The following TMPRSS15 variants were observed in gnomAD, a reference collection of about 807,000 sequenced individuals.
The protein encoded by TMPRSS15 is transmembrane serine protease 15.
In TMPRSS15, 128 loss-of-function variants were observed where a neutral mutation model predicts 125.3. The observed-to-expected ratio is 1.02, with a 90% CI of 0.89 to 1.18. The LOEUF is 1.18. Ranked by LOEUF, TMPRSS15 falls within the 50% of genes most tolerant of loss-of-function variation. The pLI is 0.00. For synonymous variants in TMPRSS15, 446 were observed against 423.2 expected, an observed-to-expected ratio of 1.05 and a Z score of -0.66; for missense variants, 1,283 against 1,212.7, an observed-to-expected ratio of 1.06 and a Z score of -0.86.
intron 1 of TMPRSS15, among the ~76,000 whole-genome samples, chr21:18,479,460 TG>T (rs1263298268): frequency 4.6e-5 from 7 of 151,990 alleles, no homozygotes; most frequent in Non-Finnish European, 1.5e-5. Context: ...AGGATAGTTC[TG>T]AGTCACAAAT....
At chr21:18,386,825 C>G (rs2075948225) in intron 3 of TMPRSS15, among the ~76,000 whole-genome samples, 1 of 152,118 alleles carries the variant, frequency 6.6e-6, no homozygotes, top group Non-Finnish European at 1.5e-5. Context: ...TTCAATTTGA[C>G]TGAACACTTG....
intron 16 of TMPRSS15, among the ~76,000 whole-genome samples, chr21:18,323,631 T>C (rs1046044514): frequency 6.6e-6 from 1 of 152,162 alleles, no homozygotes; most frequent in Non-Finnish European, 1.5e-5. Flanking sequence ...CCCTTATCTG[T>C]TAGAGCACAG....
At position 18,326,460 on chromosome 21, in the gene TMPRSS15, A is replaced by G; in HGVS notation, c.1893T>C (p.Phe631=). The G allele has an allele frequency of 1.9e-6, 3 of 1,614,156 alleles. No individual in the cohort carries two copies. The African/African-American group carries it at 4.0e-5, about 22-fold the overall frequency. ...GAATCCCCAAGTGATAGCCAGTAGT[A>G]AAGTTTGCTTTAAACCCTCCTCTTG... The part of the protein sequence containing the change: ...VLARGGFKAN[F]TTGYHLGIPE... The change falls in exon 16 of 25, where the codon TTT becomes TTC. Residue 631 remains phenylalanine (F), a synonymous_variant. Transcript: ENST00000284885.
At chr21:18,398,042 A>G (rs1450893361) in intron 2 of TMPRSS15, 96 bp from the exon 3 acceptor site, 1 of 1,234,926 alleles carries the variant, frequency 8.1e-7, no homozygotes, top group Non-Finnish European at 1.2e-6. Context: ...TTCTGCTTAG[A>G]GTTGGGGCAA....
At chr21:18,321,659 A>T (rs1021048220) in intron 16 of TMPRSS15, among the ~76,000 whole-genome samples, 1 of 152,198 alleles carries the variant, frequency 6.6e-6, no homozygotes, top group South Asian at 2.1e-4. Context: ...CGCAAAAACG[A>T]TTTTTGTTGC....
intron 22 of TMPRSS15, among the ~76,000 whole-genome samples, chr21:18,279,739 C>A (rs2074669323): frequency 6.6e-6 from 1 of 151,960 alleles, no homozygotes; most frequent in Non-Finnish European, 1.5e-5. Context: ...GGTGCCAGTT[C>A]TCTGAAAATT....
At chr21:18,313,198 T>C (rs2075120035) in intron 17 of TMPRSS15, 121 bp from the exon 18 acceptor site, 1 of 759,460 alleles carries the variant, frequency 1.3e-6, no homozygotes, top group Admixed American at 2.0e-5. Flanking sequence ...ATGAGATCTC[T>C]TGCACAGCAC....
At chr21:18,283,363 ATT>A (rs35326743) in intron 21 of TMPRSS15, among the ~76,000 whole-genome samples, 6,314 of 151,480 alleles carry the variant, frequency 0.042, 437 homozygotes, top group African/African-American at 0.14. Flanking sequence ...AAATTGTATG[ATT>A]TTTTTTTTAC....
At chr21:18,292,529 C>T (rs1479683019) in intron 21 of TMPRSS15, among the ~76,000 whole-genome samples, 1 of 152,150 alleles carries the variant, frequency 6.6e-6, no homozygotes, top group Non-Finnish European at 1.5e-5. Flanking sequence ...TATCATTAAC[C>T]TATTAGAAGT....
chr21:18,408,506 A>C (rs1240120056), upstream of TMPRSS15, among the ~76,000 whole-genome samples: 2 of 152,114 alleles, frequency 1.3e-5, no homozygotes, highest in African/African-American at 4.8e-5. Flanking sequence ...GTCAATGAAC[A>C]CTCCTAGGAT....
intron 4 of TMPRSS15, among the ~76,000 whole-genome samples, chr21:18,381,508 C>A (rs2075892654): frequency 6.6e-6 from 1 of 152,128 alleles, no homozygotes; most frequent in Admixed American, 6.6e-5. Context: ...TAACTTGGTA[C>A]CGTGTTTATA....
chr21:18,366,347 T>A (rs2075737634), intron 6 of TMPRSS15, among the ~76,000 whole-genome samples: 1 of 152,218 alleles, frequency 6.6e-6, no homozygotes. Flanking sequence ...CTTTGGGAGA[T>A]AACTAGTTCA....
At chr21:18,356,695 T>C (rs2075628505) in intron 8 of TMPRSS15, among the ~76,000 whole-genome samples, 1 of 151,868 alleles carries the variant, frequency 6.6e-6, no homozygotes, top group South Asian at 2.1e-4. Flanking sequence ...TGGGTACTTC[T>C]GAGTATACAT....
At chr21:18,399,201 T>A (rs900156731) in intron 1 of TMPRSS15, among the ~76,000 whole-genome samples, 2 of 151,980 alleles carry the variant, frequency 1.3e-5, no homozygotes, top group African/African-American at 4.8e-5. Flanking sequence ...TGAGATAGGG[T>A]AATTGGAGTT....
intron 1 of TMPRSS15, among the ~76,000 whole-genome samples, chr21:18,409,468 A>T (rs2076160066): frequency 6.6e-6 from 1 of 151,934 alleles, no homozygotes; most frequent in Non-Finnish European, 1.5e-5. Flanking sequence ...TTTCCTTAGG[A>T]TGAATTATCT....
intron 1 of TMPRSS15, among the ~76,000 whole-genome samples, chr21:18,478,952 C>T (rs1978929145): frequency 6.6e-6 from 1 of 151,930 alleles, no homozygotes; most frequent in African/African-American, 2.4e-5. Flanking sequence ...ATTCCTTATT[C>T]CAAATACTTG....
At position 18,359,776 on chromosome 21, in the gene TMPRSS15, T is replaced by C. The variant is rs1427111286; in HGVS notation, c.861A>G (p.Gly287=). The C allele has an allele frequency of 3.5e-6, 5 of 1,440,430 alleles. No homozygotes were observed. The South Asian group carries it at 4.6e-5, about 13-fold the overall frequency. The allele number at this position is 1,440,430 out of a possible 1,614,324, so 89.2% of individuals were successfully genotyped here. ...ACTTACCTCTTAAAATCTTGCTTGATCCTACACCTTCATAAATATCTAATA... is the reference window on the plus strand; with the variant it reads ...ACTTACCTCTTAAAATCTTGCTTGACCCTACACCTTCATAAATATCTAATA... ...TDILDIYEGV[G]SSKILRASIW... Residue 287 remains glycine, a synonymous_variant, in exon 8 of 25, where the codon GGA becomes GGG. Coordinates refer to ENST00000284885, the MANE Select transcript of TMPRSS15 (RefSeq NM_002772.3).
chr21:18,381,179 C>T (rs775664217), intron 4 of TMPRSS15, among the ~76,000 whole-genome samples: 10 of 152,048 alleles, frequency 6.6e-5, no homozygotes, highest in Non-Finnish European at 1.3e-4. Context: ...TTATTCAAGA[C>T]TATATTGATG....
chr21:18,452,034 C>A (rs73895623), intron 1 of TMPRSS15, among the ~76,000 whole-genome samples: 2 of 152,036 alleles, frequency 1.3e-5, no homozygotes, highest in African/African-American at 4.8e-5. Flanking sequence ...TGATTTTACT[C>A]GAGATCAATA....
Sources: gnomAD v4.1 joint callset for allele counts (sites outside exome capture counted in the v4.1 genomes callset) on GRCh38, gnomAD v4.1.1 for gene constraint, MANE v1.5 for transcripts, NCBI Gene and HGNC (gene_info 2026-07-23, HGNC 2026-07-21) for gene names.